Variants in MTBP observed in about 807,000 individuals in gnomAD.
MTBP encodes mdm2-binding protein.
In MTBP, 101 loss-of-function variants were observed where a neutral mutation model predicts 117.0. That is an observed-to-expected ratio of 0.86 (90% confidence interval 0.73 to 1.02). The LOEUF (loss-of-function observed/expected upper bound fraction) is 1.02. MTBP is among the 50% of genes least tolerant of loss of function. MTBP has a pLI of 0.00. For missense variants in MTBP, 970 were observed against 1,030.9 expected (o/e 0.94, Z 0.81); for synonymous variants, 350 against 351.5 (o/e 1.00, Z 0.05).
chr8:120,507,570 C>T (rs563594863), intron 16 of MTBP, among the ~76,000 whole-genome samples: 183 of 151,788 alleles, frequency 1.2e-3, no homozygotes, highest in Non-Finnish European at 2.1e-3. Context: ...AATTGTAGAT[C>T]ACTTTGATCA....
At chr8:120,488,362 G>GTT (rs1257010500) in intron 12 of MTBP, 30 bp downstream of exon 12, 1 of 1,457,848 alleles carries the variant, frequency 6.9e-7, no homozygotes, top group African/African-American at 1.5e-5. Context: ...AGAAAAACAT[G>GTT]TTTACATTGT....
intron 13 of MTBP, chr8:120,490,774 CTG>C: frequency 5.3e-6 from 2 of 380,132 alleles, no homozygotes; most frequent in East Asian, 9.1e-5. Context: ...TTGTACATCA[CTG>C]TTAACATTTG....
chr8:120,519,391 A>G (rs1002699554), intron 20 of MTBP, among the ~76,000 whole-genome samples: 1 of 152,096 alleles, frequency 6.6e-6, no homozygotes, highest in African/African-American at 2.4e-5. Flanking sequence ...AGGCTACTGG[A>G]CTAAATATCA....
rs1813803054 is a variant in MTBP at position 120,470,906 on chromosome 8, A to G, written c.1134A>G (p.Glu378=). The G allele has an allele frequency of 6.2e-7, 1 of 1,608,060 alleles. No homozygotes were observed. Among genetic ancestry groups the G allele is most frequent in the Middle Eastern group, 1.7e-4 (1 of 6,048 alleles). Residue 378 remains glutamate, a synonymous_variant, in exon 11 of 22, where the codon GAA becomes GAG. Transcript: ENST00000305949. ...PNQLSSRKWK[E]YIAKKPKTIS... Reference sequence around the variant, plus strand: ...AACTCAGTTCAAGAAAATGGAAGGAATATATAGCTAAAAAGCCTAAAACAA... The same window carrying G: ...AACTCAGTTCAAGAAAATGGAAGGAGTATATAGCTAAAAAGCCTAAAACAA...
In MTBP at chr8:120,453,840, AT is replaced by A. The variant is rs752690234; in HGVS notation, c.426-3del. ...TTTTCTTTCCCTAACTTACCCTTTTATTTTAGTCTCTATGAAGAAGCTGCAG... is the reference window on the plus strand; with the variant it reads ...TTTTCTTTCCCTAACTTACCCTTTTATTTAGTCTCTATGAAGAAGCTGCAG... On this transcript the variant is annotated splice_polypyrimidine_tract_variant and splice_region_variant and intron_variant, in intron 4 of 21. Transcript: ENST00000305949. 1.3e-6 allele frequency: 2 copies of A among 1,523,154 alleles called. No individual in the cohort carries two copies. The highest frequency in any genetic ancestry group is 1.2e-5 in the South Asian group (1 of 80,496). The allele number at this position is 1,523,154 out of a possible 1,614,324, so 94.4% of individuals were successfully genotyped here.
chr8:120,445,700 C>G (rs1813211428), intron 1 of MTBP, 112 bp downstream of exon 1: 1 of 823,460 alleles, frequency 1.2e-6, no homozygotes, highest in Non-Finnish European at 1.9e-6. Flanking sequence ...TCCCACGAAG[C>G]TGGGACTCTA....
At chr8:120,458,952 C>T (rs775495816) in intron 7 of MTBP, among the ~76,000 whole-genome samples, 1 of 151,792 alleles carries the variant, frequency 6.6e-6, no homozygotes, top group Non-Finnish European at 1.5e-5. Flanking sequence ...GTTGTTTGGT[C>T]CTGTGGCTGC....
chr8:120,468,387 C>T (rs1337549352), intron 10 of MTBP, among the ~76,000 whole-genome samples: 1 of 152,130 alleles, frequency 6.6e-6, no homozygotes. Context: ...ACAATCAACA[C>T]ATTTTTGCCA....
chr8:120,466,713 A>G (rs970156607), intron 10 of MTBP, among the ~76,000 whole-genome samples: 1 of 151,732 alleles, frequency 6.6e-6, no homozygotes, highest in African/African-American at 2.4e-5. Flanking sequence ...TCTCTACTAA[A>G]AATACAAAAA....
intron 17 of MTBP, among the ~76,000 whole-genome samples, chr8:120,510,785 C>T (rs748252327): frequency 3.3e-5 from 5 of 151,936 alleles, no homozygotes; most frequent in South Asian, 2.1e-4. Flanking sequence ...ATGTGTGTGC[C>T]TGTAGTCCTA....
rs1206429956 is a variant in MTBP at position 120,516,104 on chromosome 8, G to A, written c.2159G>A (p.Gly720Glu). ...TCAGATCCTGGAAGTGTCCCTGACG[G>A]AGAAGTTTTACAAAATGAACTTCGA... ...VSSDPGSVPD[G>E]EVLQNELRTE... The change falls in exon 18 of 22, where the codon GGA (glycine) becomes GAA (glutamate). Residue 720 changes from glycine to glutamate, a missense_variant. Coordinates refer to ENST00000305949, the MANE Select transcript of MTBP (RefSeq NM_022045.5). 1 of 1,612,952 alleles carries A rather than the reference G, an allele frequency of 6.2e-7. No individual in the cohort carries two copies. Among genetic ancestry groups the A allele is most frequent in the South Asian group, 1.1e-5 (1 of 91,046 alleles).
In MTBP at chr8:120,518,716, G is replaced by A; in HGVS notation, c.2509G>A (p.Val837Ile). 6.2e-7 allele frequency: 1 copy of A among 1,605,844 alleles called. No homozygotes were observed. Among genetic ancestry groups the A allele is most frequent in the Non-Finnish European group, 8.5e-7 (1 of 1,174,236 alleles). The change falls in exon 20 of 22, where the codon GTA becomes ATA. Residue 837 changes from valine (V) to isoleucine (I), a missense_variant. Coordinates refer to ENST00000305949, the MANE Select transcript of MTBP (RefSeq NM_022045.5). Reference sequence around the variant, plus strand: ...TGTTCTGTTCAAGATACTGAAAGAAGTAGTTACTGAAACCCTGAAGAAACA... The same window carrying A: ...TGTTCTGTTCAAGATACTGAAAGAAATAGTTACTGAAACCCTGAAGAAACA... Reference protein sequence around the residue: ...SQKHTRILKEVVTETLKKHSI... With the variant: ...SQKHTRILKEIVTETLKKHSI...
At chr8:120,489,119 A>G (rs1332797868) in intron 12 of MTBP, among the ~76,000 whole-genome samples, 1 of 147,874 alleles carries the variant, frequency 6.8e-6, no homozygotes, top group Non-Finnish European at 1.5e-5. Context: ...GCTCACTGCA[A>G]CCTCTGCCTC....
intron 11 of MTBP, among the ~76,000 whole-genome samples, chr8:120,478,104 G>T (rs7832933): frequency 1.3e-5 from 2 of 152,046 alleles, no homozygotes; most frequent in Non-Finnish European, 2.9e-5. Flanking sequence ...TCCTTTGCAC[G>T]GACATGGATG....
At chr8:120,463,465 G>T (rs1164343839) in intron 9 of MTBP, among the ~76,000 whole-genome samples, 2 of 152,054 alleles carry the variant, frequency 1.3e-5, no homozygotes, top group African/African-American at 4.8e-5. Context: ...ATAGTTTATA[G>T]TAATGCTCTA....
intron 11 of MTBP, among the ~76,000 whole-genome samples, chr8:120,477,236 T>G (rs1410006211): frequency 6.6e-6 from 1 of 152,180 alleles, no homozygotes; most frequent in Non-Finnish European, 1.5e-5. Flanking sequence ...CCTTACACCT[T>G]ATACAAAAAT....
intron 9 of MTBP, 71 bp from the exon 10 acceptor site, chr8:120,463,621 A>C: frequency 8.0e-7 from 1 of 1,245,696 alleles, no homozygotes. Context: ...AATTGAAATA[A>C]TGAAACTTAT....
chr8:120,518,135 A>G (rs1345062575), intron 19 of MTBP, 35 bp downstream of exon 19: 1 of 1,534,026 alleles, frequency 6.5e-7, no homozygotes. Context: ...TTAGTTCTAC[A>G]TAGGAAGACT....
At chr8:120,463,426 G>A (rs1316561733) in intron 9 of MTBP, among the ~76,000 whole-genome samples, 1 of 152,088 alleles carries the variant, frequency 6.6e-6, no homozygotes, top group Admixed American at 6.6e-5. Flanking sequence ...TTATTTAGGA[G>A]CTACAGTTTT....
Sources: allele counts gnomAD v4.1 joint callset (sites outside exome capture counted in the v4.1 genomes callset), GRCh38; gene constraint gnomAD v4.1.1; transcripts MANE v1.5; gene names NCBI Gene and HGNC (gene_info 2026-07-23, HGNC 2026-07-21).